The following FBRSL1 variants were observed in gnomAD, a reference collection of about 807,000 sequenced individuals.
FBRSL1 encodes fibrosin-1-like protein.
A neutral mutation model predicts 89.6 loss-of-function variants in FBRSL1; 51 were observed. The ratio of observed to expected loss-of-function variants is 0.57; its 90% CI spans 0.45 to 0.72. The LOEUF (loss-of-function observed/expected upper bound fraction) is 0.72. Ranked by LOEUF, FBRSL1 falls within the 30% of genes least tolerant of loss-of-function variation. FBRSL1 has a pLI of 0.00. For missense variants in FBRSL1, 1,618 were observed against 1,451.8 expected, an observed-to-expected ratio of 1.11 and a Z score of -1.86; for synonymous variants, 779 against 681.1, an observed-to-expected ratio of 1.14 and a Z score of -2.24.
intron 5 of FBRSL1, among the ~76,000 whole-genome samples, chr12:132,561,309 C>T (rs557368768): frequency 9.2e-5 from 14 of 152,354 alleles, no homozygotes; most frequent in Admixed American, 3.3e-4. Flanking sequence ...GAAGACCCTC[C>T]CCTTCCTTGC....
At chr12:132,558,042 T>G (rs1373131043) in intron 5 of FBRSL1, among the ~76,000 whole-genome samples, 4 of 100,488 alleles carry the variant, frequency 4.0e-5, no homozygotes, top group East Asian at 3.3e-4. Flanking sequence ...CCCCCGCCCG[T>G]TCCCTCTCTG....
intron 5 of FBRSL1, among the ~76,000 whole-genome samples, chr12:132,557,813 G>A (rs2038799862): frequency 6.6e-6 from 1 of 152,226 alleles, no homozygotes; most frequent in Admixed American, 6.5e-5. Flanking sequence ...TGGCGGGACC[G>A]AGGCCTGCTG....
At chr12:132,537,385 C>A (rs552214584) in intron 4 of FBRSL1, among the ~76,000 whole-genome samples, 12 of 152,218 alleles carry the variant, frequency 7.9e-5, no homozygotes, top group Admixed American at 6.5e-4. Context: ...AAATGCCAGT[C>A]CAGCCTGTCC....
intron 4 of FBRSL1, among the ~76,000 whole-genome samples, chr12:132,533,598 G>GCACCCATCTGCT (rs2036482286): frequency 6.6e-6 from 1 of 152,256 alleles, no homozygotes; most frequent in Non-Finnish European, 1.5e-5. Context: ...GGCACAGCCC[G>GCACCCATCTGCT]CACCCATCTG....
rs1173527218 is a variant in FBRSL1 at position 132,546,335 on chromosome 12, C to G, written c.616-1668C>G. ...GCCCAGCCCTTGGTGAGCTCCGCAC[C>G]TGCAGCCTCCGGGGCGGGATGGGCC... On this transcript the variant is annotated intron_variant, in intron 4 of 18. Coordinates refer to ENST00000680143, the MANE Select transcript of FBRSL1 (RefSeq NM_001367871.1). The surrounding 1 kb of genome is among the most constrained non-coding windows in gnomAD (Gnocchi z 4.0). Among the ~76,000 whole-genome samples, 1 of 152,256 alleles carries G rather than the reference C, an allele frequency of 6.6e-6. No homozygotes were observed. The highest frequency in any genetic ancestry group is 1.5e-5 in the Non-Finnish European group (1 of 68,042).
chr12:132,557,172 C>T (rs890710762), intron 5 of FBRSL1, among the ~76,000 whole-genome samples: 4 of 152,192 alleles, frequency 2.6e-5, no homozygotes, highest in Non-Finnish European at 5.9e-5. Context: ...CCACCCGCTG[C>T]GTAACGATGG....
chr12:132,565,512 C>CACGTACCCAAGTGTGCTCACGTAT (rs2039540106), intron 5 of FBRSL1: 3 of 53,910 alleles, frequency 5.6e-5, no homozygotes, highest in Non-Finnish European at 8.1e-5. Flanking sequence ...TCCTCATGTA[C>CACGTACCCAAGTGTGCTCACGTAT]ACGTACCCGA....
intron 15 of FBRSL1, among the ~76,000 whole-genome samples, chr12:132,580,425 C>T (rs981186124): frequency 4.5e-5 from 3 of 66,472 alleles, no homozygotes; most frequent in South Asian, 6.5e-4. Context: ...GCTCTGACCT[C>T]GCTGCCTTCT....
intron 2 of FBRSL1, chr12:132,510,777 G>A (rs1345612926): frequency 2.3e-5 from 27 of 1,157,366 alleles, no homozygotes; most frequent in African/African-American, 6.4e-5. Context: ...TGTGGTGTGC[G>A]TGCCCTGGGA....
At chr12:132,582,357 C>T in intron 18 of FBRSL1, 91 bp downstream of exon 18, 1 of 1,058,260 alleles carries the variant, frequency 9.4e-7, no homozygotes, top group African/African-American at 1.7e-5. Flanking sequence ...CTCCCCCGTT[C>T]CCTCTTCTCC....
At chr12:132,493,362 G>A (rs1264832135) in intron 1 of FBRSL1, among the ~76,000 whole-genome samples, 1 of 152,240 alleles carries the variant, frequency 6.6e-6, no homozygotes, top group East Asian at 1.9e-4. Context: ...AACCCCAGAG[G>A]CTGGCTTGTG....
intron 6 of FBRSL1, among the ~76,000 whole-genome samples, chr12:132,568,786 T>G (rs1433493369): frequency 1.3e-5 from 2 of 151,814 alleles, no homozygotes; most frequent in African/African-American, 4.8e-5. Flanking sequence ...CTCTCCTGTG[T>G]CCTCCGCGCA....
chr12:132,526,893 T>C (rs889916698), intron 3 of FBRSL1, among the ~76,000 whole-genome samples: 1 of 151,870 alleles, frequency 6.6e-6, no homozygotes, highest in African/African-American at 2.4e-5. Context: ...GTGGTCTGAG[T>C]GTGTAGCTGG....
intron 11 of FBRSL1, among the ~76,000 whole-genome samples, chr12:132,573,061 C>T (rs1037258148): frequency 6.6e-6 from 1 of 152,170 alleles, no homozygotes; most frequent in Admixed American, 6.5e-5. Context: ...TCCACACCCG[C>T]AGGGGACCTG....
intron 1 of FBRSL1, among the ~76,000 whole-genome samples, chr12:132,506,149 G>A (rs945032066): frequency 6.6e-6 from 1 of 152,190 alleles, no homozygotes; most frequent in Admixed American, 6.5e-5. Flanking sequence ...ATTCTGGTGG[G>A]GGTCAGACGG....
intron 6 of FBRSL1, among the ~76,000 whole-genome samples, chr12:132,568,128 G>A (rs2039757776): frequency 6.6e-6 from 1 of 152,210 alleles, no homozygotes; most frequent in African/African-American, 2.4e-5. Flanking sequence ...CCTCTCCAGA[G>A]GGGATAGCCC....
chr12:132,557,048 G>C (rs988654838), intron 5 of FBRSL1, among the ~76,000 whole-genome samples: 1 of 152,248 alleles, frequency 6.6e-6, no homozygotes, highest in Admixed American at 6.5e-5. Context: ...GCGATCCGGT[G>C]TCCTGGGGTG....
chr12:132,571,661 G>A, intron 9 of FBRSL1: 1 of 576,330 alleles, frequency 1.7e-6, no homozygotes, highest in Non-Finnish European at 2.6e-6. Flanking sequence ...TCTGTCGTCT[G>A]TCCGGTCCCC....
intron 2 of FBRSL1, among the ~76,000 whole-genome samples, chr12:132,523,440 G>A (rs1467698576): frequency 6.6e-6 from 1 of 152,068 alleles, no homozygotes; most frequent in Admixed American, 6.5e-5. Flanking sequence ...GCAGCCCACC[G>A]AGCCCCTCTG....
Sources: allele counts gnomAD v4.1 joint callset (sites outside exome capture counted in the v4.1 genomes callset), GRCh38; gene constraint gnomAD v4.1.1; non-coding constraint Gnocchi (gnomAD v3.1); transcripts MANE v1.5; gene names NCBI Gene and HGNC (gene_info 2026-07-23, HGNC 2026-07-21).